HDAC9: variants seen among roughly 807,000 people sequenced by gnomAD.
HDAC9 encodes the protein MEF-2 interacting transcription repressor (MITR) protein.
In HDAC9, 41 loss-of-function variants were observed where a neutral mutation model predicts 139.4. The ratio of observed to expected loss-of-function variants is 0.29; its 90% CI spans 0.23 to 0.38. The LOEUF (loss-of-function observed/expected upper bound fraction) is 0.38. Ranked by LOEUF, HDAC9 falls within the 10% of genes least tolerant of loss-of-function variation. The pLI is 1.00. For missense variants in HDAC9, 1,147 were observed against 1,297.0 expected, an observed-to-expected ratio of 0.88 and a Z score of 1.78; for synonymous variants, 517 against 476.2, an observed-to-expected ratio of 1.09 and a Z score of -1.12.
At chr7:18,355,645 C>T (rs969921632) in intron 1 of HDAC9, among the ~76,000 whole-genome samples, 1 of 152,098 alleles carries the variant, frequency 6.6e-6, no homozygotes, top group African/African-American at 2.4e-5. Context: ...ACCCTCAAAT[C>T]TGTGGAAGGT....
At chr7:18,407,596 G>A (rs558271482) in intron 1 of HDAC9, among the ~76,000 whole-genome samples, 118 of 152,240 alleles carry the variant, frequency 7.8e-4, no homozygotes, top group African/African-American at 2.7e-3. Flanking sequence ...ACAGTCTCTA[G>A]CAGAATGTGG....
intron 1 of HDAC9, among the ~76,000 whole-genome samples, chr7:18,116,443 A>C (rs990660388): frequency 6.6e-6 from 1 of 152,144 alleles, no homozygotes; most frequent in African/African-American, 2.4e-5. Flanking sequence ...TATACTGTGA[A>C]TTATGATTGG....
At chr7:18,137,638 C>T (rs1158496457) in intron 1 of HDAC9, among the ~76,000 whole-genome samples, 2 of 150,476 alleles carry the variant, frequency 1.3e-5, no homozygotes, top group African/African-American at 2.4e-5. Flanking sequence ...ACCAGCCTTG[C>T]ATCCCAGGGA....
intron 2 of HDAC9, among the ~76,000 whole-genome samples, chr7:18,244,812 A>AAATAATAATAATAAT (rs55633844): frequency 6.8e-5 from 10 of 147,862 alleles, no homozygotes; most frequent in Non-Finnish European, 1.2e-4. Flanking sequence ...TCTGTCTCAA[A>AAATAATAATAATAAT]AATAATAATA....
At chr7:18,245,278 G>A (rs533192480) in intron 2 of HDAC9, among the ~76,000 whole-genome samples, 11 of 152,238 alleles carry the variant, frequency 7.2e-5, no homozygotes, top group African/African-American at 2.6e-4. Flanking sequence ...TTGTGGTATC[G>A]TCACATCAGA....
chr7:18,185,029 T>C (rs1584518326), intron 2 of HDAC9, among the ~76,000 whole-genome samples: 1 of 152,304 alleles, frequency 6.6e-6, no homozygotes, highest in East Asian at 1.9e-4. Context: ...TTAGGAAAAT[T>C]AATAGAATAG....
intron 1 of HDAC9, among the ~76,000 whole-genome samples, chr7:18,449,200 T>TA (rs1792570223): frequency 6.6e-6 from 1 of 152,144 alleles, no homozygotes; most frequent in Admixed American, 6.6e-5. Flanking sequence ...CAGCCCTATT[T>TA]ATAGTAGCCA....
chr7:18,194,834 G>A (rs762356947), intron 2 of HDAC9, among the ~76,000 whole-genome samples: 2 of 151,998 alleles, frequency 1.3e-5, no homozygotes, highest in Non-Finnish European at 1.5e-5. Context: ...TGCCAATGTG[G>A]TATTTCCAGC....
intron 1 of HDAC9, among the ~76,000 whole-genome samples, chr7:18,124,966 T>C (rs1337275484): frequency 1.3e-5 from 2 of 152,026 alleles, no homozygotes; most frequent in Non-Finnish European, 2.9e-5. Context: ...GGGAAGCTTC[T>C]CTGCCCTTCA....
chr7:18,484,173 CA>C (rs1177599086), intron 1 of HDAC9, among the ~76,000 whole-genome samples: 1,793 of 63,252 alleles, frequency 0.028, 30 homozygotes, highest in African/African-American at 0.071. Context: ...CCTTATCTCT[CA>C]AAAAAAAAAA....
chr7:18,994,626 G>T (rs1306984085), intron 25 of HDAC9, among the ~76,000 whole-genome samples: 1 of 152,062 alleles, frequency 6.6e-6, no homozygotes, highest in African/African-American at 2.4e-5. Context: ...TTAAAAGGAT[G>T]CTTTAAAAAT....
At chr7:18,827,070 T>C (rs950588392) in intron 17 of HDAC9, among the ~76,000 whole-genome samples, 9 of 151,558 alleles carry the variant, frequency 5.9e-5, no homozygotes, top group Middle Eastern at 3.2e-3. Context: ...CTGGGCAACA[T>C]AGCGAGACCT....
intron 23 of HDAC9, among the ~76,000 whole-genome samples, chr7:18,947,880 A>T (rs576600045): frequency 6.6e-6 from 1 of 152,138 alleles, no homozygotes; most frequent in African/African-American, 2.4e-5. Context: ...GTTCATCAAG[A>T]TCTTAAATGT....
intron 2 of HDAC9, among the ~76,000 whole-genome samples, chr7:18,200,016 CTT>C (rs1469650922): frequency 1.3e-5 from 2 of 152,112 alleles, no homozygotes; most frequent in Non-Finnish European, 2.9e-5. Flanking sequence ...TTTGTGACAA[CTT>C]TGTTCCATTT....
At chr7:18,182,289 A>G (rs916815501) in intron 2 of HDAC9, among the ~76,000 whole-genome samples, 2 of 152,238 alleles carry the variant, frequency 1.3e-5, no homozygotes, top group Non-Finnish European at 2.9e-5. Context: ...CTTTTTAAAA[A>G]TTTAGAAACA....
chr7:18,489,037 A>G (rs900390595), intron 1 of HDAC9, among the ~76,000 whole-genome samples: 6 of 152,178 alleles, frequency 3.9e-5, no homozygotes, highest in African/African-American at 1.4e-4. Context: ...TATAAAATGA[A>G]TAACAATGAA....
chr7:18,326,015 T>C (rs1469467488), intron 1 of HDAC9, among the ~76,000 whole-genome samples: 1 of 152,134 alleles, frequency 6.6e-6, no homozygotes, highest in African/African-American at 2.4e-5. Flanking sequence ...CACATCACTG[T>C]ATTTAACCAA....
chr7:18,960,254 A>G (rs1029884413), intron 24 of HDAC9, among the ~76,000 whole-genome samples: 3 of 152,150 alleles, frequency 2.0e-5, no homozygotes, highest in African/African-American at 7.2e-5. Context: ...AATAAGAATG[A>G]AATCAGATTT....
chr7:18,827,927 T>G (rs1795575636), intron 17 of HDAC9, among the ~76,000 whole-genome samples: 1 of 152,130 alleles, frequency 6.6e-6, no homozygotes, highest in Non-Finnish European at 1.5e-5. Context: ...CCTTTCATAT[T>G]AATATATTAC....
Sources: gnomAD v4.1 joint callset for allele counts (sites outside exome capture counted in the v4.1 genomes callset) on GRCh38, gnomAD v4.1.1 for gene constraint, MANE v1.5 for transcripts, NCBI Gene and HGNC (gene_info 2026-07-23, HGNC 2026-07-21) for gene names.